Variants in CTNND2 observed in about 807,000 individuals in gnomAD.
The protein encoded by CTNND2 is catenin delta 2, also known as catenin delta-2.
A neutral mutation model predicts 144.4 loss-of-function variants in CTNND2; 22 were observed. The observed-to-expected ratio is 0.15, with a 90% CI of 0.11 to 0.22. The LOEUF (loss-of-function observed/expected upper bound fraction) is 0.22. Among genes scored for constraint, CTNND2 ranks in the 10% least tolerant of loss-of-function variants. The pLI is 1.00. For synonymous variants in CTNND2, 751 were observed against 695.6 expected (o/e 1.08, Z -1.25); for missense variants, 1,353 against 1,618.8 (o/e 0.84, Z 2.82).
At chr5:11,787,847 G>C (rs1790916145) in intron 1 of CTNND2, among the ~76,000 whole-genome samples, 1 of 152,132 alleles carries the variant, frequency 6.6e-6, no homozygotes, top group South Asian at 2.1e-4. Flanking sequence ...TAGTGAGATT[G>C]TGTTCAGTTC....
At chr5:11,588,743 T>A (rs1779033255) in intron 2 of CTNND2, 2 of 984,860 alleles carry the variant, frequency 2.0e-6, no homozygotes, top group Admixed American at 1.2e-4. Context: ...ACCTTTACTG[T>A]ACCTTTTGAA....
chr5:11,517,807 AAAAT>A (rs1228225091), intron 3 of CTNND2, among the ~76,000 whole-genome samples: 1 of 151,974 alleles, frequency 6.6e-6, no homozygotes, highest in African/African-American at 2.4e-5. Flanking sequence ...AAATAATAAT[AAAAT>A]AAATAAATAA....
At chr5:11,586,619 G>A (rs1778880324) in intron 2 of CTNND2, among the ~76,000 whole-genome samples, 1 of 152,146 alleles carries the variant, frequency 6.6e-6, no homozygotes, top group East Asian at 1.9e-4. Flanking sequence ...CATCACATAA[G>A]AGTTGAACCA....
intron 1 of CTNND2, among the ~76,000 whole-genome samples, chr5:11,736,573 C>G (rs917707875): frequency 1.3e-5 from 2 of 152,082 alleles, no homozygotes; most frequent in Non-Finnish European, 2.9e-5. Flanking sequence ...GAGAGGAAAC[C>G]ACAAAAGACC....
intron 3 of CTNND2, among the ~76,000 whole-genome samples, chr5:11,500,615 C>A (rs534092472): frequency 6.6e-6 from 1 of 152,164 alleles, no homozygotes; most frequent in Non-Finnish European, 1.5e-5. Context: ...AAGGCAAAAT[C>A]AGTATCTTAG....
At chr5:11,754,416 T>C (rs991629899) in intron 1 of CTNND2, among the ~76,000 whole-genome samples, 7 of 147,790 alleles carry the variant, frequency 4.7e-5, no homozygotes, top group Non-Finnish European at 7.5e-5. Context: ...TATTATTCTG[T>C]TGTGGTTTTT....
At chr5:11,209,081 C>CTGG (rs1738351222) in intron 10 of CTNND2, among the ~76,000 whole-genome samples, 1 of 152,066 alleles carries the variant, frequency 6.6e-6, no homozygotes, top group African/African-American at 2.4e-5. Context: ...TAAAGAAATG[C>CTGG]TCTGTTCATG....
intron 8 of CTNND2, among the ~76,000 whole-genome samples, chr5:11,353,098 G>A (rs962585895): frequency 1.3e-4 from 18 of 139,166 alleles, no homozygotes; most frequent in African/African-American, 4.3e-4. Context: ...TTCCAAGCAC[G>A]TTTTCAGCCA....
intron 9 of CTNND2, among the ~76,000 whole-genome samples, chr5:11,283,499 C>T (rs980991548): frequency 1.3e-5 from 2 of 151,660 alleles, no homozygotes; most frequent in Non-Finnish European, 2.9e-5. Flanking sequence ...CATAGTGAAA[C>T]CCCGTCTCTA....
chr5:11,149,653 G>A (rs1472786385), intron 12 of CTNND2, among the ~76,000 whole-genome samples: 1 of 152,146 alleles, frequency 6.6e-6, no homozygotes, highest in Admixed American at 6.5e-5. Flanking sequence ...AGTGAAGGAC[G>A]CAGGACTAAT....
intron 1 of CTNND2, among the ~76,000 whole-genome samples, chr5:11,820,112 T>C (rs559572806): frequency 6.6e-6 from 1 of 152,296 alleles, no homozygotes; most frequent in African/African-American, 2.4e-5. Flanking sequence ...GTGAGTTCCC[T>C]GGTACTTTCT....
intron 1 of CTNND2, among the ~76,000 whole-genome samples, chr5:11,850,717 T>C (rs1237863581): frequency 6.6e-6 from 1 of 152,178 alleles, no homozygotes; most frequent in Non-Finnish European, 1.5e-5. Context: ...TTCCATCTCA[T>C]TAATGAAAAA....
intron 3 of CTNND2, among the ~76,000 whole-genome samples, chr5:11,460,532 A>G (rs1325579912): frequency 1.3e-5 from 2 of 151,474 alleles, no homozygotes; most frequent in African/African-American, 4.8e-5. Flanking sequence ...TGTCCCCACT[A>G]ACTGAGTGAT....
At chr5:11,408,624 C>A (rs974588227) in intron 5 of CTNND2, among the ~76,000 whole-genome samples, 2 of 151,886 alleles carry the variant, frequency 1.3e-5, no homozygotes, top group Admixed American at 6.6e-5. Context: ...TAATTCAGTA[C>A]GTGACAATAT....
chr5:11,604,362 C>A (rs758405812), intron 2 of CTNND2, among the ~76,000 whole-genome samples: 5 of 152,314 alleles, frequency 3.3e-5, no homozygotes, highest in African/African-American at 4.8e-5. Flanking sequence ...GTACAAAATT[C>A]TTTACATATA....
intron 3 of CTNND2, among the ~76,000 whole-genome samples, chr5:11,461,334 G>T (rs953414971): frequency 6.6e-6 from 1 of 152,046 alleles, no homozygotes; most frequent in African/African-American, 2.4e-5. Context: ...AGTACAACTC[G>T]GTCCAAACCC....
chr5:11,594,612 C>A (rs1779415728), intron 2 of CTNND2, among the ~76,000 whole-genome samples: 3 of 152,114 alleles, frequency 2.0e-5, no homozygotes, highest in African/African-American at 7.2e-5. Context: ...GCTGTGGTAT[C>A]ATTAACTTTA....
intron 9 of CTNND2, among the ~76,000 whole-genome samples, chr5:11,253,402 T>C (rs1215179735): frequency 1.3e-5 from 2 of 152,212 alleles, no homozygotes; most frequent in African/African-American, 2.4e-5. Context: ...TGGTGGAAGA[T>C]AATTGAATCA....
At chr5:11,350,225 T>C (rs1755188139) in intron 8 of CTNND2, among the ~76,000 whole-genome samples, 2 of 152,278 alleles carry the variant, frequency 1.3e-5, no homozygotes, top group Middle Eastern at 3.4e-3. Context: ...CTGAACATTA[T>C]ACTGAAAAAC....
Sources: gnomAD v4.1 joint callset for allele counts (sites outside exome capture counted in the v4.1 genomes callset) on GRCh38, gnomAD v4.1.1 for gene constraint, MANE v1.5 for transcripts, NCBI Gene and HGNC (gene_info 2026-07-23, HGNC 2026-07-21) for gene names.